Variants in FNDC3B observed in about 807,000 individuals in gnomAD.
FNDC3B encodes fibronectin type III domain containing 3B, also known as fibronectin type III domain-containing protein 3B.
Under a neutral mutation model 151.5 loss-of-function variants are expected in FNDC3B, and 12 were observed. The ratio of observed to expected loss-of-function variants is 0.08; its 90% CI spans 0.05 to 0.13. FNDC3B has a LOEUF of 0.13. Among genes scored for constraint, FNDC3B ranks in the 10% least tolerant of loss-of-function variants. The probability of loss-of-function intolerance (pLI) is 1.00; values close to 1 mark genes in which losing one functional copy is unlikely to be tolerated. For synonymous variants in FNDC3B, 528 were observed against 549.0 expected, an observed-to-expected ratio of 0.96 and a Z score of 0.54; for missense variants, 1,214 against 1,505.3, an observed-to-expected ratio of 0.81 and a Z score of 3.20.
intron 23 of FNDC3B, among the ~76,000 whole-genome samples, chr3:172,366,438 T>C: frequency 6.6e-6 from 1 of 152,080 alleles, no homozygotes; most frequent in African/African-American, 2.4e-5. Flanking sequence ...AAATATTTTC[T>C]AGAAAGTAGG....
intron 1 of FNDC3B, among the ~76,000 whole-genome samples, chr3:172,076,033 A>T (rs1717992242): frequency 6.6e-6 from 1 of 152,080 alleles, no homozygotes; most frequent in African/African-American, 2.4e-5. Flanking sequence ...CCTCTTTTAC[A>T]GGCTTAAGGT....
At chr3:172,176,457 G>T (rs1311604680) in intron 3 of FNDC3B, among the ~76,000 whole-genome samples, 2 of 152,142 alleles carry the variant, frequency 1.3e-5, no homozygotes, top group Admixed American at 1.3e-4. Context: ...AAGTATTTTT[G>T]TTAGTTTCCT....
chr3:172,237,827 T>C (rs1468886375), intron 4 of FNDC3B, among the ~76,000 whole-genome samples: 5 of 152,242 alleles, frequency 3.3e-5, no homozygotes, highest in Non-Finnish European at 7.3e-5. Context: ...TTCTTTTTCC[T>C]GATTCAGAAG....
intron 1 of FNDC3B, among the ~76,000 whole-genome samples, chr3:172,055,093 C>A (rs1052079905): frequency 3.3e-5 from 5 of 152,148 alleles, no homozygotes; most frequent in African/African-American, 1.2e-4. Flanking sequence ...TATTTATACT[C>A]ATTTTTAAAT....
intron 6 of FNDC3B, among the ~76,000 whole-genome samples, chr3:172,271,154 T>G (rs957464942): frequency 6.6e-6 from 1 of 152,252 alleles, no homozygotes; most frequent in Non-Finnish European, 1.5e-5. Context: ...CAGTCTAGTA[T>G]TATTTCCACT....
At chr3:172,345,120 A>G (rs1733539239) in intron 19 of FNDC3B, among the ~76,000 whole-genome samples, 1 of 152,268 alleles carries the variant, frequency 6.6e-6, no homozygotes, top group Non-Finnish European at 1.5e-5. Context: ...TTATTAAGAA[A>G]GTAAAGGAAT....
At chr3:172,151,469 CT>C (rs924599773) in intron 3 of FNDC3B, among the ~76,000 whole-genome samples, 2 of 151,676 alleles carry the variant, frequency 1.3e-5, no homozygotes, top group Admixed American at 6.6e-5. Flanking sequence ...CCCCCAACCT[CT>C]TTTTTTTTCC....
chr3:172,200,883 G>T (rs112240441), intron 3 of FNDC3B, among the ~76,000 whole-genome samples: 10 of 152,148 alleles, frequency 6.6e-5, no homozygotes, highest in Non-Finnish European at 1.5e-5. Context: ...AGGGGAAAGA[G>T]AATTTGAAGC....
chr3:172,387,037 A>C (rs531516612), intron 25 of FNDC3B, among the ~76,000 whole-genome samples: 3 of 152,102 alleles, frequency 2.0e-5, no homozygotes, highest in African/African-American at 7.2e-5. Context: ...GCTCACTGCA[A>C]CCTCTGCCTC....
At chr3:172,043,140 C>T (rs976707922) in intron 1 of FNDC3B, among the ~76,000 whole-genome samples, 2 of 152,226 alleles carry the variant, frequency 1.3e-5, no homozygotes, top group African/African-American at 4.8e-5. Context: ...TGGTCACGAA[C>T]TCCTGACTTC....
chr3:172,343,582 T>G (rs1257080107), intron 18 of FNDC3B, among the ~76,000 whole-genome samples: 1 of 152,242 alleles, frequency 6.6e-6, no homozygotes, highest in Non-Finnish European at 1.5e-5. Context: ...ACAGCATTGA[T>G]TTAAGCTGTA....
chr3:172,240,435 T>C lies in FNDC3B; in HGVS notation c.265-7098T>C, dbSNP rs187750451. 2.2e-4 allele frequency among the ~76,000 whole-genome samples: 34 copies of C among 152,312 alleles called. No homozygotes were observed. The East Asian group carries it at 6.2e-3, about 28-fold the overall frequency. On this transcript the variant is annotated intron_variant, in intron 4 of 25. Transcript: ENST00000415807. ...CTAACTCCTTTCTGGTAGAGGGTAT[T>C]AAAAGCATAGCAGTATTCAATAAGT...
chr3:172,117,136 A>G (rs902919123), intron 2 of FNDC3B, among the ~76,000 whole-genome samples: 9 of 152,218 alleles, frequency 5.9e-5, no homozygotes, highest in Non-Finnish European at 1.0e-4. Flanking sequence ...TTGAAGTATT[A>G]TTTTCCAAAT....
intron 3 of FNDC3B, among the ~76,000 whole-genome samples, chr3:172,175,730 A>G (rs1464153373): frequency 6.6e-6 from 1 of 152,240 alleles, no homozygotes; most frequent in Admixed American, 6.5e-5. Flanking sequence ...GCCGATATGT[A>G]AACACATGAT....
intron 4 of FNDC3B, among the ~76,000 whole-genome samples, chr3:172,245,205 T>C (rs187135663): frequency 1.3e-3 from 198 of 152,348 alleles, no homozygotes; most frequent in Admixed American, 4.0e-3. Flanking sequence ...CAAAGTTATA[T>C]GATAAAATGA....
intron 1 of FNDC3B, among the ~76,000 whole-genome samples, chr3:172,100,471 C>A (rs935359440): frequency 6.6e-6 from 1 of 151,954 alleles, no homozygotes; most frequent in African/African-American, 2.4e-5. Context: ...AGTTTTCTGT[C>A]GAGAGAAAAT....
At chr3:172,061,196 C>T (rs1384514476) in intron 1 of FNDC3B, among the ~76,000 whole-genome samples, 1 of 151,330 alleles carries the variant, frequency 6.6e-6, no homozygotes, top group African/African-American at 2.4e-5. Context: ...GAAGTGATAC[C>T]AATTTTTTCT....
intron 25 of FNDC3B, among the ~76,000 whole-genome samples, chr3:172,391,984 GA>G (rs3215322): frequency 2.1e-3 from 310 of 150,358 alleles, no homozygotes; most frequent in African/African-American, 6.3e-3. Flanking sequence ...TATCTTTAAA[GA>G]AAAAAAAAAT....
intron 3 of FNDC3B, among the ~76,000 whole-genome samples, chr3:172,146,534 C>T (rs770455560): frequency 2.0e-5 from 3 of 152,108 alleles, no homozygotes; most frequent in Non-Finnish European, 4.4e-5. Context: ...TTGAAAAGCT[C>T]CCGGGCCATT....
Sources: allele counts gnomAD v4.1 joint callset (sites outside exome capture counted in the v4.1 genomes callset), GRCh38; gene constraint gnomAD v4.1.1; transcripts MANE v1.5; gene names NCBI Gene and HGNC (gene_info 2026-07-23, HGNC 2026-07-21).